Variants in TMEM127 observed in about 807,000 individuals in gnomAD.
TMEM127 encodes the protein transmembrane protein 127.
A neutral mutation model predicts 20.1 loss-of-function variants in TMEM127; 21 were observed. That is an observed-to-expected ratio of 1.04 (90% CI 0.74 to 1.50). TMEM127 has a LOEUF of 1.50. TMEM127 is among the 40% of genes most tolerant of loss of function. The pLI is 0.00. For synonymous variants in TMEM127, 150 were observed against 144.7 expected, an observed-to-expected ratio of 1.04 and a Z score of -0.26; for missense variants, 303 against 317.4, an observed-to-expected ratio of 0.95 and a Z score of 0.34.
chr2:96,254,799 T>G (rs377204607), intron 3 of TMEM127, 34 bp downstream of exon 3: 7 of 1,613,110 alleles, frequency 4.3e-6, no homozygotes, highest in Non-Finnish European at 5.9e-6. Context: ...CCTGTAGCAG[T>G]TCCTCTCCCA....
chr2:96,253,434 C>A lies in TMEM127; in HGVS notation c.*374G>T. On this transcript the variant is annotated 3_prime_UTR_variant, in exon 4 of 4. Transcript: ENST00000258439. The surrounding 1 kb of genome is among the most constrained non-coding windows in gnomAD (Gnocchi z 4.3). ...GCCTCCAGGGCACAGTCCCCTTTCCCTTGGGCCCTTTGACACTTGTTTTTG... is the reference window on the plus strand; with the variant it reads ...GCCTCCAGGGCACAGTCCCCTTTCCATTGGGCCCTTTGACACTTGTTTTTG... The A allele has an allele frequency of 9.3e-6, 3 of 321,300 alleles. No individual in the cohort carries two copies. Among genetic ancestry groups the A allele is most frequent in the Admixed American group, 4.5e-5 (1 of 22,136 alleles). The allele number at this position is 321,300 out of a possible 1,614,324, so 19.9% of individuals were successfully genotyped here.
At position 96,252,233 on chromosome 2, in the gene TMEM127, CTT is replaced by C. The variant is rs1290197789; in HGVS notation, c.*1573_*1574del. ...GCCAAAGGATGGGACATGACAGTCC[CTT>C]TCTAGCCACAGCTTCATAGTGTTGT... On this transcript the variant is annotated 3_prime_UTR_variant, in exon 4 of 4. Coordinates refer to ENST00000258439, the MANE Select transcript of TMEM127 (RefSeq NM_017849.4). This position sits in a 1 kb window ranked among gnomAD's most constrained non-coding sequence, Gnocchi z 4.2. The C allele has an allele frequency of 1.3e-5, 3 of 233,230 alleles. No homozygotes were observed. The highest frequency in any genetic ancestry group is 6.6e-5 in the African/African-American group (3 of 45,360). 14.4% of individuals were successfully genotyped at this position (233,230 alleles called of 1,614,324 possible). A position where few individuals can be genotyped will look rare whatever the true frequency, so the allele number is the denominator to read the frequency against.
In TMEM127 at chr2:96,253,436, TGGG is replaced by T; in HGVS notation, c.*369_*371del. On this transcript the variant is annotated 3_prime_UTR_variant, in exon 4 of 4. Coordinates refer to ENST00000258439, the MANE Select transcript of TMEM127 (RefSeq NM_017849.4). This position sits in a 1 kb window ranked among gnomAD's most constrained non-coding sequence, Gnocchi z 4.3. Reference sequence around the variant, plus strand: ...CTCCAGGGCACAGTCCCCTTTCCCTTGGGCCCTTTGACACTTGTTTTTGGGACT... The same window carrying T: ...CTCCAGGGCACAGTCCCCTTTCCCTTCCCTTTGACACTTGTTTTTGGGACT... 3 of 321,256 alleles carry T rather than the reference TGGG, an allele frequency of 9.3e-6. No homozygotes were observed. The highest frequency in any genetic ancestry group is 4.5e-5 in the Admixed American group (1 of 22,162). 19.9% of individuals were successfully genotyped at this position (321,256 alleles called of 1,614,324 possible).
rs1229431659 is a variant in TMEM127 at position 96,253,403 on chromosome 2, A to AAG, written c.*403_*404dup. ...TGTGGAGCAAACACTGATCCCTGTG[A>AAG]AGTGAGCCTCCAGGGCACAGTCCCC... On this transcript the variant is annotated 3_prime_UTR_variant, in exon 4 of 4. Coordinates refer to ENST00000258439, the MANE Select transcript of TMEM127 (RefSeq NM_017849.4). This position sits in a 1 kb window ranked among gnomAD's most constrained non-coding sequence, Gnocchi z 4.3. The AAG allele has an allele frequency of 1.4e-5, 4 of 284,150 alleles. No homozygotes were observed. The highest frequency in any genetic ancestry group is 2.0e-5 in the Non-Finnish European group (3 of 148,184). 17.6% of individuals were successfully genotyped at this position (284,150 alleles called of 1,614,324 possible).
At position 96,265,216 on chromosome 2, in the gene TMEM127, T is replaced by C. The variant is rs751779219; in HGVS notation, c.166A>G (p.Ile56Val). 5.0e-6 allele frequency: 8 copies of C among 1,606,474 alleles called. No homozygotes were observed. The highest frequency in any genetic ancestry group is 2.7e-5 in the African/African-American group (2 of 74,866). Residue 56 changes from isoleucine to valine, a missense_variant, in exon 2 of 4, where the codon ATC becomes GTC. Ile to Val is a conservative substitution (Grantham distance 29, BLOSUM62 3). Coordinates refer to ENST00000258439, the MANE Select transcript of TMEM127 (RefSeq NM_017849.4). ...TGGCGCGAACAGGTGCCTCCGTGGA[T>C]GTGCAACCAGGCGGGCTCGGCGAGG... ...TALAEPAWLH[I>V]HGGTCSRQEL...
chr2:96,265,251 AGCGCCGTGATAGACAGG>A lies in TMEM127; in HGVS notation c.114_130del (p.Leu39ValfsTer63). The A allele has an allele frequency of 6.3e-7, 1 of 1,593,358 alleles. No homozygotes were observed. The highest frequency in any genetic ancestry group is 8.5e-7 in the Non-Finnish European group (1 of 1,174,094). ...GGCGGGCTCGGCGAGGGCAGTGCAC[AGCGCCGTGATAGACAGG>A]GCGCCAGGCAGGGCCGAGGCCAGGC... On this transcript the variant is annotated frameshift_variant, in exon 2 of 4. Coordinates refer to ENST00000258439, the MANE Select transcript of TMEM127 (RefSeq NM_017849.4). LOFTEE classifies it high-confidence loss of function.
chr2:96,255,222 A>G (rs1684180225), intron 2 of TMEM127, among the ~76,000 whole-genome samples: 1 of 152,212 alleles, frequency 6.6e-6, no homozygotes, highest in Non-Finnish European at 1.5e-5. Context: ...TCTCTTTCCA[A>G]CAGGACTAGC....
intron 2 of TMEM127, among the ~76,000 whole-genome samples, chr2:96,262,716 T>C (rs1684334631): frequency 6.6e-6 from 1 of 152,248 alleles, no homozygotes; most frequent in Non-Finnish European, 1.5e-5. Flanking sequence ...AGATGGAGTC[T>C]CACTCTGTAG....
chr2:96,261,792 A>G (rs1283294655), intron 2 of TMEM127, among the ~76,000 whole-genome samples: 2 of 152,164 alleles, frequency 1.3e-5, no homozygotes, highest in Non-Finnish European at 1.5e-5. Flanking sequence ...AACAGTACCT[A>G]CCAAATAAAG....
In TMEM127 at chr2:96,254,681, C is replaced by A. The variant is rs1309864813; in HGVS notation, c.409+152G>T. Reference sequence around the variant, plus strand: ...CAGCTAGACTGGAGCAGGCTGCTGACACCCTGACACTCTGGGAAAGACTGG... The same window carrying A: ...CAGCTAGACTGGAGCAGGCTGCTGAAACCCTGACACTCTGGGAAAGACTGG... On this transcript the variant is annotated intron_variant, in intron 3 of 3. Transcript: ENST00000258439. 3.9e-6 allele frequency: 4 copies of A among 1,034,504 alleles called. No homozygotes were observed. The East Asian group carries it at 9.6e-5, about 25-fold the overall frequency. 64.1% of individuals were successfully genotyped at this position (1,034,504 alleles called of 1,614,324 possible). A position where few individuals can be genotyped will look rare whatever the true frequency, so the allele number is the denominator to read the frequency against.
rs1684119351 is a variant in TMEM127 at position 96,252,755 on chromosome 2, C to G, written c.*1053G>C. The stretch of plus-strand genomic sequence containing the variant: ...CCTAAACTGAGGCCAGGTTCCATCT[C>G]AGTGCTGCAGTCCTGAGGAGCACCA... On this transcript the variant is annotated 3_prime_UTR_variant, in exon 4 of 4. Coordinates refer to ENST00000258439, the MANE Select transcript of TMEM127 (RefSeq NM_017849.4). This position sits in a 1 kb window ranked among gnomAD's most constrained non-coding sequence, Gnocchi z 4.2. The G allele has an allele frequency of 4.3e-6, 1 of 233,780 alleles. No homozygotes were observed. Among genetic ancestry groups the G allele is most frequent in the Non-Finnish European group, 8.5e-6 (1 of 118,230 alleles). 14.5% of individuals were successfully genotyped at this position (233,780 alleles called of 1,614,324 possible).
Position 96,248,548 on chromosome 2 carries a change from C to T in TMEM127, c.*5260G>A, listed in dbSNP as rs1338520485. The stretch of plus-strand genomic sequence containing the variant: ...CATTCTTCTTTTATTAAAATAAAAC[C>T]CATCCACCACCCCAAGGTTATTCCA... On this transcript the variant is annotated 3_prime_UTR_variant, in exon 4 of 4. Coordinates refer to ENST00000258439, the MANE Select transcript of TMEM127 (RefSeq NM_017849.4). The T allele has an allele frequency of 4.9e-6, 1 of 206,012 alleles. No homozygotes were observed. The highest frequency in any genetic ancestry group is 9.9e-6 in the Non-Finnish European group (1 of 100,894). 12.8% of individuals were successfully genotyped at this position (206,012 alleles called of 1,614,324 possible).
rs1266847863 is a variant in TMEM127, at chr2:96,250,709, AG to A, written c.*3098del. 1 of 232,904 alleles carries A rather than the reference AG, an allele frequency of 4.3e-6. No individual in the cohort carries two copies. Among genetic ancestry groups the A allele is most frequent in the African/African-American group, 2.2e-5 (1 of 45,292 alleles). The allele number at this position is 232,904 out of a possible 1,614,324, so 14.4% of individuals were successfully genotyped here. On this transcript the variant is annotated 3_prime_UTR_variant, in exon 4 of 4. Coordinates refer to ENST00000258439, the MANE Select transcript of TMEM127 (RefSeq NM_017849.4). The stretch of plus-strand genomic sequence containing the variant: ...GTAGGCTGTGTGATCAAATGTATGA[AG>A]GAAGAAGGAACGGAGAGAACGTGGG...
rs533813582 is a variant in TMEM127 at position 96,251,680 on chromosome 2, G to T, written c.*2128C>A. On this transcript the variant is annotated 3_prime_UTR_variant, in exon 4 of 4. Coordinates refer to ENST00000258439, the MANE Select transcript of TMEM127 (RefSeq NM_017849.4). ...CGTGGTTTCTGGTTTTTTTGGTTTT[G>T]TTTTCCCTTTTAATTTTTTTCTAGA... 5.3e-4 allele frequency: 122 copies of T among 231,966 alleles called. No individual in the cohort carries two copies. The highest frequency in any genetic ancestry group is 9.2e-4 in the Non-Finnish European group (108 of 117,220). The allele number at this position is 231,966 out of a possible 1,614,324, so 14.4% of individuals were successfully genotyped here.
chr2:96,264,839 C>G (rs948364961), intron 2 of TMEM127, among the ~76,000 whole-genome samples: 7 of 152,224 alleles, frequency 4.6e-5, no homozygotes, highest in African/African-American at 1.4e-4. Context: ...AAGAGGCCAG[C>G]TAACTGTGAT....
chr2:96,265,529 C>T lies in TMEM127; in HGVS notation c.-131-17G>A. On this transcript the variant is annotated splice_polypyrimidine_tract_variant and intron_variant, in intron 1 of 3. Transcript: ENST00000258439. The stretch of plus-strand genomic sequence containing the variant: ...GGGACTGGGCTGTCAGGGTTGACAC[C>T]AGAGGATAGGGGGGTGGGACCCGGG... 2 of 1,093,028 alleles carry T rather than the reference C, an allele frequency of 1.8e-6. No individual in the cohort carries two copies. Among genetic ancestry groups the T allele is most frequent in the Non-Finnish European group, 2.3e-6 (2 of 857,596 alleles). 67.7% of individuals were successfully genotyped at this position (1,093,028 alleles called of 1,614,324 possible).
chr2:96,264,199 C>A (rs1013108003), intron 2 of TMEM127, among the ~76,000 whole-genome samples: 1 of 152,196 alleles, frequency 6.6e-6, no homozygotes, highest in African/African-American at 2.4e-5. Context: ...GGAACTTGGA[C>A]CTTTTCACCA....
chr2:96,256,149 T>TACA (rs1684199546), intron 2 of TMEM127, among the ~76,000 whole-genome samples: 1 of 151,444 alleles, frequency 6.6e-6, no homozygotes, highest in South Asian at 2.1e-4. Flanking sequence ...CATGCGCCTG[T>TACA]AGTCCCAGCT....
intron 2 of TMEM127, among the ~76,000 whole-genome samples, chr2:96,255,554 G>A (rs1684186122): frequency 6.6e-6 from 1 of 152,192 alleles, no homozygotes; most frequent in African/African-American, 2.4e-5. Context: ...AGAATAATCA[G>A]TTTATAGAGA....
Sources: allele counts gnomAD v4.1 joint callset (sites outside exome capture counted in the v4.1 genomes callset), GRCh38; gene constraint gnomAD v4.1.1; non-coding constraint Gnocchi (gnomAD v3.1); transcripts MANE v1.5; gene names NCBI Gene and HGNC (gene_info 2026-07-23, HGNC 2026-07-21).